The following FAF1 variants were observed in gnomAD, a reference collection of about 807,000 sequenced individuals.
FAF1 encodes the protein Fas associated factor 1.
FAF1 carries 25 observed loss-of-function variants against 92.5 expected under a neutral mutation model. The observed-to-expected ratio is 0.27, with a 90% CI of 0.20 to 0.38. The LOEUF (loss-of-function observed/expected upper bound fraction) is 0.38. Among genes scored for constraint, FAF1 ranks in the 10% least tolerant of loss-of-function variants. The probability of loss-of-function intolerance (pLI) is 1.00; values close to 1 mark genes in which losing one functional copy is unlikely to be tolerated. For synonymous variants in FAF1, 234 were observed against 273.2 expected, an observed-to-expected ratio of 0.86 and a Z score of 1.42; for missense variants, 636 against 793.3, an observed-to-expected ratio of 0.80 and a Z score of 2.38.
intron 15 of FAF1, among the ~76,000 whole-genome samples, chr1:50,532,939 G>A (rs1238926400): frequency 6.6e-6 from 1 of 152,152 alleles, no homozygotes; most frequent in African/African-American, 2.4e-5. Context: ...AGCCTTCTGA[G>A]TAGCTAGGAC....
At chr1:50,456,905 G>A (rs534831964) in intron 18 of FAF1, among the ~76,000 whole-genome samples, 1 of 152,084 alleles carries the variant, frequency 6.6e-6, no homozygotes, top group African/African-American at 2.4e-5. Context: ...CTCAAACTTC[G>A]TGTGTACAAT....
chr1:50,786,833 T>C (rs1661382440), intron 4 of FAF1, among the ~76,000 whole-genome samples: 1 of 152,198 alleles, frequency 6.6e-6, no homozygotes, highest in South Asian at 2.1e-4. Flanking sequence ...ATAGGCCATG[T>C]TAAAGATTTG....
At chr1:50,826,788 G>GA (rs1009554317) in intron 2 of FAF1, among the ~76,000 whole-genome samples, 3 of 152,054 alleles carry the variant, frequency 2.0e-5, no homozygotes, top group Admixed American at 6.5e-5. Flanking sequence ...GAAGACATAA[G>GA]AAAAAATAGA....
intron 3 of FAF1, among the ~76,000 whole-genome samples, chr1:50,796,377 C>T (rs1661752193): frequency 6.6e-6 from 1 of 152,104 alleles, no homozygotes; most frequent in African/African-American, 2.4e-5. Flanking sequence ...CCATAAGTCT[C>T]TCCACATCCT....
chr1:50,462,633 T>C (rs1646446797), intron 18 of FAF1, among the ~76,000 whole-genome samples: 2 of 152,090 alleles, frequency 1.3e-5, no homozygotes, highest in Middle Eastern at 3.2e-3. Context: ...GAGCAGACCA[T>C]TATAGAATCT....
Position 50,460,642 on chromosome 1 carries a change from C to CT in FAF1, c.1869+14821dup, listed in dbSNP as rs772133324. On this transcript the variant is annotated intron_variant, in intron 18 of 18. Coordinates refer to ENST00000396153, the MANE Select transcript of FAF1 (RefSeq NM_007051.3). The stretch of plus-strand genomic sequence containing the variant: ...GTGTGTGTTTGTGTATATACACACA[C>CT]TTTTTTTTTGAGGCAGGGCCTGGCT... Among the ~76,000 whole-genome samples the CT allele has an allele frequency of 3.5e-4, 52 of 149,674 alleles. 1 individual carries two copies. The East Asian group carries it at 7.3e-3, about 21-fold the overall frequency.
intron 15 of FAF1, among the ~76,000 whole-genome samples, chr1:50,524,147 T>C (rs1489932985): frequency 6.6e-6 from 1 of 152,184 alleles, no homozygotes; most frequent in Non-Finnish European, 1.5e-5. Context: ...TAATGACCTG[T>C]GATGCTGTGA....
At chr1:50,690,973 C>CCATT (rs1656895468) in intron 7 of FAF1, among the ~76,000 whole-genome samples, 2 of 152,216 alleles carry the variant, frequency 1.3e-5, no homozygotes, top group South Asian at 2.1e-4. Flanking sequence ...TTTTGTTTAT[C>CCATT]CATTCATTCA....
intron 2 of FAF1, among the ~76,000 whole-genome samples, chr1:50,807,047 T>C (rs1662233694): frequency 6.6e-6 from 1 of 152,180 alleles, no homozygotes; most frequent in Non-Finnish European, 1.5e-5. Context: ...CCAGACTGAA[T>C]GGCTGAAACG....
chr1:50,930,711 T>A (rs1645040590), intron 1 of FAF1, among the ~76,000 whole-genome samples: 1 of 152,030 alleles, frequency 6.6e-6, no homozygotes, highest in Non-Finnish European at 1.5e-5. Context: ...GGCGGGTGCC[T>A]GTAGTCCCAG....
chr1:50,470,991 T>G (rs1361250807), intron 18 of FAF1: 23 of 152,250 alleles, frequency 1.5e-4, no homozygotes, highest in Admixed American at 1.5e-3. Context: ...TTGTTTTGGA[T>G]GTGTGTTTTT....
At chr1:50,551,090 C>T (rs1274252408) in intron 13 of FAF1, among the ~76,000 whole-genome samples, 1 of 152,102 alleles carries the variant, frequency 6.6e-6, no homozygotes, top group East Asian at 1.9e-4. Context: ...CTATTTGCTA[C>T]TTTTAATTGG....
At chr1:50,620,090 G>C (rs1291482770) in intron 8 of FAF1, among the ~76,000 whole-genome samples, 1 of 151,998 alleles carries the variant, frequency 6.6e-6, no homozygotes, top group Non-Finnish European at 1.5e-5. Flanking sequence ...TGTATTTTTA[G>C]TAAAGACAGG....
chr1:50,510,918 G>A (rs1456131481), intron 15 of FAF1, among the ~76,000 whole-genome samples: 1 of 151,984 alleles, frequency 6.6e-6, no homozygotes, highest in Non-Finnish European at 1.5e-5. Flanking sequence ...CAAGTACATA[G>A]GTGTTTACTT....
chr1:50,519,823 A>G (rs1292109260), intron 15 of FAF1, among the ~76,000 whole-genome samples: 2 of 152,288 alleles, frequency 1.3e-5, no homozygotes, highest in East Asian at 3.9e-4. Context: ...ACCTGCCACA[A>G]TGCTGCTAAT....
chr1:50,479,444 A>C (rs544861018), intron 17 of FAF1, among the ~76,000 whole-genome samples: 20 of 152,362 alleles, frequency 1.3e-4, no homozygotes, highest in Admixed American at 1.0e-3. Flanking sequence ...GTCAGCACTC[A>C]GTGACAAGTG....
chr1:50,518,382 T>C (rs1474778463), intron 15 of FAF1, among the ~76,000 whole-genome samples: 1 of 152,168 alleles, frequency 6.6e-6, no homozygotes, highest in African/African-American at 2.4e-5. Flanking sequence ...GGGTTGTTTT[T>C]AGTTTTGGCA....
intron 18 of FAF1, among the ~76,000 whole-genome samples, chr1:50,468,688 T>C (rs1281105601): frequency 6.6e-6 from 1 of 152,136 alleles, no homozygotes; most frequent in Non-Finnish European, 1.5e-5. Context: ...GTTGAACTCC[T>C]GACCTCGTGA....
chr1:50,934,417 T>C (rs1382913215), intron 1 of FAF1, among the ~76,000 whole-genome samples: 1 of 152,216 alleles, frequency 6.6e-6, no homozygotes, highest in Non-Finnish European at 1.5e-5. Flanking sequence ...GATCTTCTCA[T>C]ATTTGATCAT....
Sources: gnomAD v4.1 joint callset for allele counts (sites outside exome capture counted in the v4.1 genomes callset) on GRCh38, gnomAD v4.1.1 for gene constraint, MANE v1.5 for transcripts, NCBI Gene and HGNC (gene_info 2026-07-23, HGNC 2026-07-21) for gene names.